NRG3: variants seen among roughly 807,000 people sequenced by gnomAD.
NRG3 encodes neuregulin 3.
A neutral mutation model predicts 66.9 loss-of-function variants in NRG3; 31 were observed. That is an observed-to-expected ratio of 0.46 (90% CI 0.35 to 0.63). The LOEUF (loss-of-function observed/expected upper bound fraction) is 0.63. Among genes scored for constraint, NRG3 ranks in the 20% least tolerant of loss-of-function variants. The pLI is 0.00. For synonymous variants in NRG3, 393 were observed against 359.4 expected (o/e 1.09, Z -1.06); for missense variants, 910 against 878.9 (o/e 1.04, Z -0.45).
intron 2 of NRG3, among the ~76,000 whole-genome samples, chr10:82,575,504 T>C (rs1260841130): frequency 1.3e-5 from 2 of 151,696 alleles, no homozygotes; most frequent in African/African-American, 4.8e-5. Flanking sequence ...ATGAAGTCCA[T>C]GTGGATGTTA....
chr10:82,357,643 A>G (rs1171180282), intron 1 of NRG3, among the ~76,000 whole-genome samples: 1 of 152,036 alleles, frequency 6.6e-6, no homozygotes, highest in Admixed American at 6.6e-5. Flanking sequence ...CTCTTCTTGA[A>G]CAGCCAACAG....
intron 1 of NRG3, among the ~76,000 whole-genome samples, chr10:82,316,133 T>C (rs780781125): frequency 3.3e-5 from 5 of 152,156 alleles, no homozygotes; most frequent in Non-Finnish European, 5.9e-5. Flanking sequence ...CTCTCTCCTA[T>C]GTAGGAGATC....
intron 1 of NRG3, among the ~76,000 whole-genome samples, chr10:82,091,455 G>T (rs1371068918): frequency 6.6e-6 from 1 of 152,094 alleles, no homozygotes; most frequent in African/African-American, 2.4e-5. Flanking sequence ...CACTAAGCAT[G>T]GTTTCAAGGT....
intron 3 of NRG3, among the ~76,000 whole-genome samples, chr10:82,796,292 A>G (rs2060798242): frequency 6.6e-6 from 1 of 152,196 alleles, no homozygotes; most frequent in South Asian, 2.1e-4. Context: ...ACTTAATACT[A>G]AAATAAGAGT....
chr10:82,836,247 A>G (rs762455426), intron 3 of NRG3, among the ~76,000 whole-genome samples: 3 of 152,122 alleles, frequency 2.0e-5, no homozygotes, highest in Non-Finnish European at 2.9e-5. Context: ...AATATTTACT[A>G]TCTGGCCTTT....
At chr10:81,935,298 T>A (rs765371690) in intron 1 of NRG3, among the ~76,000 whole-genome samples, 1 of 152,212 alleles carries the variant, frequency 6.6e-6, no homozygotes, top group South Asian at 2.1e-4. Flanking sequence ...ATATGTCATT[T>A]TGGGGAAAAA....
At chr10:82,823,020 T>C (rs2135586877) in intron 3 of NRG3, among the ~76,000 whole-genome samples, 1 of 152,272 alleles carries the variant, frequency 6.6e-6, no homozygotes, top group Admixed American at 6.5e-5. Context: ...CTAGCCTCAT[T>C]GTTATTCCCC....
At chr10:82,630,927 C>A (rs2049782676) in intron 2 of NRG3, among the ~76,000 whole-genome samples, 1 of 151,976 alleles carries the variant, frequency 6.6e-6, no homozygotes, top group East Asian at 1.9e-4. Context: ...GACTTTTTTT[C>A]TTTAAATTAT....
At chr10:82,515,586 A>G (rs1376905011) in intron 2 of NRG3, among the ~76,000 whole-genome samples, 1 of 152,246 alleles carries the variant, frequency 6.6e-6, no homozygotes, top group Non-Finnish European at 1.5e-5. Context: ...ATCTTCTCAC[A>G]TCACTTATTG....
chr10:82,539,910 G>T (rs969224788), intron 2 of NRG3, among the ~76,000 whole-genome samples: 1 of 152,060 alleles, frequency 6.6e-6, no homozygotes, highest in Admixed American at 6.6e-5. Context: ...GGGATTACAG[G>T]CGTGAGCCAC....
At chr10:82,472,717 T>C (rs550013609) in intron 2 of NRG3, among the ~76,000 whole-genome samples, 1 of 152,334 alleles carries the variant, frequency 6.6e-6, no homozygotes, top group East Asian at 1.9e-4. Flanking sequence ...TCTCTTCCAT[T>C]ATCTCAGATA....
At chr10:82,212,173 A>G (rs1484455063) in intron 1 of NRG3, among the ~76,000 whole-genome samples, 5 of 152,182 alleles carry the variant, frequency 3.3e-5, no homozygotes, top group Admixed American at 2.6e-4. Flanking sequence ...ACTAACCTAT[A>G]AAAACAGCAA....
At chr10:82,132,505 C>CATATATATATCAT (rs367993461) in intron 1 of NRG3, among the ~76,000 whole-genome samples, 3 of 60,334 alleles carry the variant, frequency 5.0e-5, no homozygotes, top group African/African-American at 9.6e-5. Flanking sequence ...ATATATATAT[C>CATATATATATCAT]ATATATATAT....
At chr10:82,590,159 A>G (rs1590789906) in intron 2 of NRG3, among the ~76,000 whole-genome samples, 1 of 152,004 alleles carries the variant, frequency 6.6e-6, no homozygotes, top group South Asian at 2.1e-4. Context: ...TGTGAAGGAA[A>G]CCCAACCTCC....
At chr10:82,516,313 C>T (rs887409536) in intron 2 of NRG3, among the ~76,000 whole-genome samples, 2 of 152,050 alleles carry the variant, frequency 1.3e-5, no homozygotes, top group African/African-American at 4.8e-5. Context: ...GCTTTACTTC[C>T]CTTTCCATCT....
chr10:82,134,037 T>G (rs1213484754), intron 1 of NRG3, among the ~76,000 whole-genome samples: 9 of 152,244 alleles, frequency 5.9e-5, no homozygotes, highest in Admixed American at 4.6e-4. Context: ...TTTTTTCATA[T>G]GCTTGTTGGC....
At chr10:82,102,126 GTGTATTCATATATATATATATATATATA>G (rs2066781249) in intron 1 of NRG3, among the ~76,000 whole-genome samples, 1 of 7,790 alleles carries the variant, frequency 1.3e-4, no homozygotes, top group Non-Finnish European at 3.5e-4. Context: ...ATATATATAT[GTGTATTCATATATATATATATATATATA>G]TATATATATA....
chr10:82,586,331 C>G (rs1387670290), intron 2 of NRG3, among the ~76,000 whole-genome samples: 3 of 151,750 alleles, frequency 2.0e-5, no homozygotes, highest in Non-Finnish European at 2.9e-5. Flanking sequence ...CAAGGAGAAG[C>G]TGTTGGCTGT....
intron 4 of NRG3, among the ~76,000 whole-genome samples, chr10:82,940,495 G>A (rs1848492576): frequency 6.6e-6 from 1 of 152,042 alleles, no homozygotes; most frequent in African/African-American, 2.4e-5. Flanking sequence ...AGTAATATTG[G>A]ATTAGGATCC....
Sources: allele counts gnomAD v4.1 joint callset (sites outside exome capture counted in the v4.1 genomes callset), GRCh38; gene constraint gnomAD v4.1.1; transcripts MANE v1.5; gene names NCBI Gene and HGNC (gene_info 2026-07-23, HGNC 2026-07-21).